Variants in PGLYRP4 observed in about 807,000 individuals in gnomAD.
PGLYRP4 encodes PGRP-I-beta.
PGLYRP4 carries 39 observed loss-of-function variants against 41.2 expected under a neutral mutation model. That is an observed-to-expected ratio of 0.95 (90% confidence interval 0.73 to 1.24). The LOEUF (loss-of-function observed/expected upper bound fraction) is 1.24. Ranked by LOEUF, PGLYRP4 falls within the 50% of genes most tolerant of loss-of-function variation. The pLI, the probability that PGLYRP4 is intolerant of heterozygous loss-of-function variation, is 0.00. For synonymous variants in PGLYRP4, 202 were observed against 186.8 expected, an observed-to-expected ratio of 1.08 and a Z score of -0.66; for missense variants, 467 against 460.7, an observed-to-expected ratio of 1.01 and a Z score of -0.13.
intron 7 of PGLYRP4, 124 bp from the exon 8 acceptor site, chr1:153,337,423 C>G: frequency 1.6e-6 from 1 of 640,126 alleles, no homozygotes; most frequent in Non-Finnish European, 2.7e-6. Context: ...ATTCTAAGCA[C>G]TGGGTTACAG....
At chr1:153,337,649 C>T (rs1660624472) in intron 7 of PGLYRP4, among the ~76,000 whole-genome samples, 1 of 152,200 alleles carries the variant, frequency 6.6e-6, no homozygotes. Flanking sequence ...CTGGCACAAG[C>T]CCATTCGGCT....
rs1410911547 is a variant in PGLYRP4 at position 153,330,718 on chromosome 1, A to C, written c.*49T>G. 6.5e-7 allele frequency: 1 copy of C among 1,536,512 alleles called. No individual in the cohort carries two copies. The highest frequency in any genetic ancestry group is 9.0e-7 in the Non-Finnish European group (1 of 1,116,518). The stretch of plus-strand genomic sequence containing the variant: ...CCAAGCTGGATGGTTAGGACAGGAG[A>C]GACCTGACAGGGGAGGGAAAGCAGT... On this transcript the variant is annotated 3_prime_UTR_variant, in exon 9 of 9. Transcript: ENST00000359650.
chr1:153,346,246 T>C lies in PGLYRP4; in HGVS notation c.50-55A>G, dbSNP rs1000636818. ...AGAGCACCAATACCAGCCATCATGG[T>C]GGCACCAGCTCTGAACAGAAACAGC... On this transcript the variant is annotated intron_variant, in intron 2 of 8. Coordinates refer to ENST00000359650, the MANE Select transcript of PGLYRP4 (RefSeq NM_020393.4). The C allele has an allele frequency of 6.0e-6, 8 of 1,322,598 alleles. No homozygotes were observed. In the African/African-American group the frequency reaches 1.2e-4, roughly 19 times the overall value. The allele number at this position is 1,322,598 out of a possible 1,614,324, so 81.9% of individuals were successfully genotyped here.
chr1:153,347,666 C>A (rs183438734), intron 2 of PGLYRP4, among the ~76,000 whole-genome samples: 1 of 152,166 alleles, frequency 6.6e-6, no homozygotes, highest in Admixed American at 6.5e-5. Flanking sequence ...GCCACCACCC[C>A]TGGCCAAGAG....
chr1:153,331,228 A>G (rs1180077106), intron 8 of PGLYRP4, among the ~76,000 whole-genome samples: 1 of 152,214 alleles, frequency 6.6e-6, no homozygotes, highest in Non-Finnish European at 1.5e-5. Context: ...GGTGCAATTT[A>G]GCCCCCCAAA....
chr1:153,333,386 T>C (rs975451290), intron 8 of PGLYRP4, among the ~76,000 whole-genome samples: 1 of 152,102 alleles, frequency 6.6e-6, no homozygotes, highest in African/African-American at 2.4e-5. Context: ...ATAGAAATCA[T>C]TAATAGACCA....
chr1:153,332,566 G>A lies in PGLYRP4; in HGVS notation c.944-1621C>T, dbSNP rs577116020. 2.6e-5 allele frequency among the ~76,000 whole-genome samples: 4 copies of A among 152,166 alleles called. No individual in the cohort carries two copies. The South Asian group carries it at 8.3e-4, about 32-fold the overall frequency. On this transcript the variant is annotated intron_variant, in intron 8 of 8. Transcript: ENST00000359650. ...TTTACAGAACTTTCTAGTCAACAAT[G>A]TTAGAATATATATTCATCTCTTCTG...
At chr1:153,332,959 A>G (rs1224168935) in intron 8 of PGLYRP4, among the ~76,000 whole-genome samples, 1 of 152,042 alleles carries the variant, frequency 6.6e-6, no homozygotes, top group East Asian at 1.9e-4. Context: ...AACCTATGTC[A>G]CAACTCAAGA....
intron 7 of PGLYRP4, among the ~76,000 whole-genome samples, chr1:153,337,864 C>G (rs962023240): frequency 2.0e-5 from 3 of 152,162 alleles, no homozygotes; most frequent in African/African-American, 7.2e-5. Context: ...CTCTGCCACA[C>G]CTCTTGACTT....
At chr1:153,334,464 T>TTTTATATATATA (rs1553197035) in intron 8 of PGLYRP4, among the ~76,000 whole-genome samples, 24 of 57,150 alleles carry the variant, frequency 4.2e-4, no homozygotes, top group Non-Finnish European at 7.3e-4. Flanking sequence ...ATATATATAT[T>TTTTATATATATA]TATTTATATA....
At chr1:153,333,152 C>T (rs1660407325) in intron 8 of PGLYRP4, among the ~76,000 whole-genome samples, 1 of 151,698 alleles carries the variant, frequency 6.6e-6, no homozygotes, top group Non-Finnish European at 1.5e-5. Flanking sequence ...ATAAACAGAA[C>T]AGAACTCACA....
chr1:153,346,913 G>A (rs2916209), intron 2 of PGLYRP4, among the ~76,000 whole-genome samples: 125,969 of 151,834 alleles, frequency 0.83, 52,433 homozygotes, highest in East Asian at 0.88. Context: ...GGGAAAATAA[G>A]GGTTTATAGA....
intron 8 of PGLYRP4, among the ~76,000 whole-genome samples, chr1:153,335,650 G>A (rs186667809): frequency 2.0e-5 from 3 of 151,818 alleles, no homozygotes; most frequent in African/African-American, 4.8e-5. Flanking sequence ...GCTTGAACCC[G>A]GGTGGCGGAG....
chr1:153,345,082 T>G, intron 4 of PGLYRP4, 87 bp downstream of exon 4: 38 of 993,516 alleles, frequency 3.8e-5, no homozygotes, highest in Non-Finnish European at 5.4e-5. Flanking sequence ...ACCCAGAAAA[T>G]GAGGAAAAGG....
At chr1:153,348,067 C>G (rs1661093020) in intron 1 of PGLYRP4, 89 bp from the exon 2 acceptor site, 3 of 700,520 alleles carry the variant, frequency 4.3e-6, no homozygotes, top group African/African-American at 3.6e-5. Context: ...CATCTGCCTC[C>G]TCTACCATCC....
chr1:153,341,578 T>C (rs1180759426), intron 6 of PGLYRP4, 49 bp downstream of exon 6: 3 of 1,549,682 alleles, frequency 1.9e-6, no homozygotes, highest in African/African-American at 2.7e-5. Flanking sequence ...TGCGAGTTAG[T>C]TGGGGTGAGC....
chr1:153,339,148 C>G (rs1488762603), intron 7 of PGLYRP4, among the ~76,000 whole-genome samples: 1 of 152,198 alleles, frequency 6.6e-6, no homozygotes, highest in Non-Finnish European at 1.5e-5. Context: ...GGCAACTACC[C>G]TCTGAGACCT....
intron 4 of PGLYRP4, chr1:153,344,944 A>G (rs1399826473): frequency 1.9e-6 from 1 of 536,880 alleles, no homozygotes; most frequent in African/African-American, 1.9e-5. Flanking sequence ...GAATACAGTT[A>G]TTACTTAACC....
intron 7 of PGLYRP4, among the ~76,000 whole-genome samples, chr1:153,338,073 A>C (rs139499336): frequency 6.6e-6 from 1 of 152,152 alleles, no homozygotes; most frequent in Non-Finnish European, 1.5e-5. Flanking sequence ...GTTGCTATCC[A>C]TGAAAGTCCG....
Sources: gnomAD v4.1 joint callset for allele counts (sites outside exome capture counted in the v4.1 genomes callset) on GRCh38, gnomAD v4.1.1 for gene constraint, MANE v1.5 for transcripts, NCBI Gene and HGNC (gene_info 2026-07-23, HGNC 2026-07-21) for gene names.